Variants in KCNH7 observed in about 807,000 individuals in gnomAD.
KCNH7 encodes the protein voltage-gated inwardly rectifying potassium channel KCNH7.
In KCNH7, 49 loss-of-function variants were observed where a neutral mutation model predicts 120.8. The ratio of observed to expected loss-of-function variants is 0.41; its 90% confidence interval spans 0.32 to 0.51. The LOEUF is 0.51. KCNH7 is among the 20% of genes least tolerant of loss of function. The probability of loss-of-function intolerance (pLI) is 0.38; values close to 1 mark genes in which losing one functional copy is unlikely to be tolerated. For missense variants in KCNH7, 1,097 were observed against 1,446.6 expected (o/e 0.76, Z 3.92); for synonymous variants, 547 against 516.1 (o/e 1.06, Z -0.81).
chr2:162,447,500 A>G (rs1312956634), intron 6 of KCNH7, among the ~76,000 whole-genome samples: 2 of 152,104 alleles, frequency 1.3e-5, no homozygotes, highest in Non-Finnish European at 2.9e-5. Context: ...AAAAAGGGAA[A>G]TGTGGGTTCT....
chr2:162,809,561 A>G (rs889851999), intron 2 of KCNH7, among the ~76,000 whole-genome samples: 3 of 152,216 alleles, frequency 2.0e-5, no homozygotes, highest in Non-Finnish European at 2.9e-5. Context: ...AGTAAAAAAT[A>G]AATGTCAGAC....
intron 2 of KCNH7, among the ~76,000 whole-genome samples, chr2:162,775,415 C>G (rs1054624738): frequency 1.3e-5 from 2 of 151,964 alleles, no homozygotes; most frequent in Non-Finnish European, 2.9e-5. Context: ...CACATGTTAC[C>G]CTTTGAGGAG....
At chr2:162,375,773 G>A (rs76716846) in intron 14 of KCNH7, among the ~76,000 whole-genome samples, 2,303 of 151,926 alleles carry the variant, frequency 0.015, 38 homozygotes, top group Non-Finnish European at 0.023. Flanking sequence ...TTAGCCAGGT[G>A]TGGTGGTGTG....
At chr2:162,757,851 T>C (rs1319941604) in intron 2 of KCNH7, among the ~76,000 whole-genome samples, 1 of 152,136 alleles carries the variant, frequency 6.6e-6, no homozygotes, top group African/African-American at 2.4e-5. Flanking sequence ...AAAACTGCCA[T>C]TGAGTGCCAT....
At chr2:162,498,645 G>A (rs2105738130) in intron 6 of KCNH7, among the ~76,000 whole-genome samples, 1 of 152,046 alleles carries the variant, frequency 6.6e-6, no homozygotes, top group African/African-American at 2.4e-5. Context: ...GTCAGTCAAG[G>A]GACTATACTT....
At chr2:162,676,867 G>T (rs1294302879) in intron 2 of KCNH7, among the ~76,000 whole-genome samples, 4 of 151,364 alleles carry the variant, frequency 2.6e-5, no homozygotes, top group African/African-American at 4.8e-5. Context: ...CATGCTTAAT[G>T]CTTCCCTGGG....
chr2:162,505,993 A>G (rs927001098), intron 5 of KCNH7, among the ~76,000 whole-genome samples: 2 of 151,904 alleles, frequency 1.3e-5, no homozygotes, highest in African/African-American at 4.8e-5. Flanking sequence ...AAATCACACT[A>G]TACTTGTTCA....
At chr2:162,748,663 T>A (rs1401718210) in intron 2 of KCNH7, among the ~76,000 whole-genome samples, 1 of 152,186 alleles carries the variant, frequency 6.6e-6, no homozygotes, top group East Asian at 1.9e-4. Context: ...ATGGAATGAA[T>A]CTTCTGATAT....
intron 2 of KCNH7, among the ~76,000 whole-genome samples, chr2:162,538,693 A>C (rs991431217): frequency 3.9e-5 from 6 of 152,008 alleles, no homozygotes; most frequent in African/African-American, 1.4e-4. Context: ...CTGAGAACAA[A>C]AGCTATTATG....
intron 7 of KCNH7, among the ~76,000 whole-genome samples, chr2:162,437,820 G>C (rs1477598527): frequency 1.3e-5 from 2 of 152,046 alleles, no homozygotes; most frequent in African/African-American, 4.8e-5. Flanking sequence ...GCAATACTTA[G>C]ATATCTGGAA....
intron 8 of KCNH7, 127 bp downstream of exon 8, chr2:162,435,071 A>G: frequency 1.2e-6 from 1 of 833,166 alleles, no homozygotes. Flanking sequence ...CAGTACCCAT[A>G]TATGTAATCC....
chr2:162,444,863 G>T (rs1229263260), intron 7 of KCNH7, among the ~76,000 whole-genome samples: 1 of 151,772 alleles, frequency 6.6e-6, no homozygotes, highest in East Asian at 1.9e-4. Context: ...AAGAACAGCT[G>T]ATTTTTAAAA....
intron 2 of KCNH7, among the ~76,000 whole-genome samples, chr2:162,720,555 G>A (rs1474016822): frequency 6.6e-6 from 1 of 151,948 alleles, no homozygotes; most frequent in African/African-American, 2.4e-5. Flanking sequence ...TATAAAGGTT[G>A]TATAACACAC....
At chr2:162,563,461 G>T (rs900130608) in intron 2 of KCNH7, among the ~76,000 whole-genome samples, 1 of 152,020 alleles carries the variant, frequency 6.6e-6, no homozygotes, top group African/African-American at 2.4e-5. Context: ...TGGTGGTTTT[G>T]CTTGCATGGC....
At chr2:162,500,184 ATATAT>A (rs956823836) in intron 6 of KCNH7, among the ~76,000 whole-genome samples, 317 of 148,044 alleles carry the variant, frequency 2.1e-3, no homozygotes, top group African/African-American at 7.4e-3. Context: ...TATACAATAC[ATATAT>A]TATATACATT....
intron 2 of KCNH7, among the ~76,000 whole-genome samples, chr2:162,614,492 A>C (rs1683075325): frequency 6.6e-6 from 1 of 152,070 alleles, no homozygotes; most frequent in South Asian, 2.1e-4. Context: ...CTCAGCCATA[A>C]AACAGCTAAG....
chr2:162,584,500 G>T (rs1423936087), intron 2 of KCNH7, among the ~76,000 whole-genome samples: 7 of 152,038 alleles, frequency 4.6e-5, no homozygotes, highest in Admixed American at 4.6e-4. Flanking sequence ...ACCTAAAGTG[G>T]TTTAGCTCTT....
chr2:162,448,099 A>C (rs1688644139), intron 6 of KCNH7, among the ~76,000 whole-genome samples: 1 of 152,068 alleles, frequency 6.6e-6, no homozygotes, highest in Admixed American at 6.6e-5. Context: ...CTGGAAAATA[A>C]AGTGATTTTG....
chr2:162,774,052 A>G (rs1683152600), intron 2 of KCNH7, among the ~76,000 whole-genome samples: 1 of 152,180 alleles, frequency 6.6e-6, no homozygotes, highest in Admixed American at 6.5e-5. Flanking sequence ...CTCCAGTGTC[A>G]TGGATTAGTG....
Sources: allele counts gnomAD v4.1 joint callset (sites outside exome capture counted in the v4.1 genomes callset), GRCh38; gene constraint gnomAD v4.1.1; transcripts MANE v1.5; gene names NCBI Gene and HGNC (gene_info 2026-07-23, HGNC 2026-07-21).